ULK4: variants seen among roughly 807,000 people sequenced by gnomAD.
ULK4 encodes the protein unc-51 like kinase 4, also known as inactive serine/threonine-protein kinase ULK4.
A neutral mutation model predicts 160.6 loss-of-function variants in ULK4; 133 were observed. The observed-to-expected ratio is 0.83, with a 90% CI of 0.72 to 0.96. The LOEUF (loss-of-function observed/expected upper bound fraction) is 0.96. ULK4 is among the 40% of genes least tolerant of loss of function. The pLI is 0.00. For missense variants in ULK4, 1,580 were observed against 1,499.5 expected (o/e 1.05, Z -0.89); for synonymous variants, 534 against 539.8 (o/e 0.99, Z 0.15).
At chr3:41,858,826 T>A (rs997858289) in intron 17 of ULK4, among the ~76,000 whole-genome samples, 1 of 150,322 alleles carries the variant, frequency 6.7e-6, no homozygotes, top group Admixed American at 6.6e-5. Flanking sequence ...TTCCCCCCCA[T>A]AGAAAGCAGA....
chr3:41,582,037 C>T (rs1323436027), intron 31 of ULK4, among the ~76,000 whole-genome samples: 2 of 152,104 alleles, frequency 1.3e-5, no homozygotes, highest in African/African-American at 4.8e-5. Context: ...GTGTCCCCAC[C>T]CAAATCTCAT....
At chr3:41,912,227 C>G (rs1473162471) in intron 9 of ULK4, among the ~76,000 whole-genome samples, 1 of 150,638 alleles carries the variant, frequency 6.6e-6, no homozygotes, top group Non-Finnish European at 1.5e-5. Context: ...ACCCAGGAAT[C>G]TGAGGTAGGA....
intron 35 of ULK4, among the ~76,000 whole-genome samples, chr3:41,361,308 A>AG (rs1361668484): frequency 6.6e-6 from 1 of 152,256 alleles, no homozygotes; most frequent in African/African-American, 2.4e-5. Flanking sequence ...GATTTTAAAT[A>AG]GGAAATGGCA....
chr3:41,305,905 G>A (rs1396680291), intron 35 of ULK4, among the ~76,000 whole-genome samples: 7 of 147,518 alleles, frequency 4.7e-5, no homozygotes, highest in Non-Finnish European at 7.5e-5. Flanking sequence ...ACCTCTGCCC[G>A]GCTGCGACCC....
chr3:41,500,432 A>C (rs1053055842), intron 32 of ULK4, among the ~76,000 whole-genome samples: 3 of 149,858 alleles, frequency 2.0e-5, no homozygotes, highest in African/African-American at 7.3e-5. Flanking sequence ...GTTCTTATTA[A>C]GTTAGGTTTT....
intron 31 of ULK4, among the ~76,000 whole-genome samples, chr3:41,595,815 A>T (rs1220051888): frequency 1.3e-5 from 2 of 152,226 alleles, no homozygotes; most frequent in Non-Finnish European, 2.9e-5. Flanking sequence ...AAACCAAAAA[A>T]CCTACTAAGT....
At chr3:41,842,610 T>C (rs2041962205) in intron 17 of ULK4, among the ~76,000 whole-genome samples, 1 of 150,350 alleles carries the variant, frequency 6.7e-6, no homozygotes. Context: ...CTCTCTTTCC[T>C]TCTCTCCGAC....
chr3:41,647,620 A>C (rs1268216165), intron 30 of ULK4, among the ~76,000 whole-genome samples: 1 of 152,166 alleles, frequency 6.6e-6, no homozygotes, highest in Non-Finnish European at 1.5e-5. Flanking sequence ...GGTGCCTCCC[A>C]GTTAGGCTGC....
chr3:41,798,411 G>T (rs1381118590), intron 20 of ULK4, among the ~76,000 whole-genome samples: 1 of 152,092 alleles, frequency 6.6e-6, no homozygotes, highest in Non-Finnish European at 1.5e-5. Flanking sequence ...GTGGGTTTTT[G>T]TAATTTTGAA....
chr3:41,751,141 C>G (rs534128607), intron 22 of ULK4, among the ~76,000 whole-genome samples: 2 of 151,220 alleles, frequency 1.3e-5, no homozygotes, highest in Non-Finnish European at 3.0e-5. Context: ...GACTTCTTAA[C>G]CTACTCAGTA....
At chr3:41,299,747 T>C (rs188747603) in intron 35 of ULK4, among the ~76,000 whole-genome samples, 4 of 152,352 alleles carry the variant, frequency 2.6e-5, no homozygotes, top group Admixed American at 2.0e-4. Context: ...CTAACCATCA[T>C]AGCTTACATA....
chr3:41,643,108 T>G (rs1254592603), intron 30 of ULK4, among the ~76,000 whole-genome samples: 2 of 152,144 alleles, frequency 1.3e-5, no homozygotes, highest in Non-Finnish European at 2.9e-5. Context: ...GTCAGATGAG[T>G]AGGTTGTGAA....
intron 32 of ULK4, among the ~76,000 whole-genome samples, chr3:41,549,966 A>G (rs2087002665): frequency 6.6e-6 from 1 of 152,098 alleles, no homozygotes; most frequent in Non-Finnish European, 1.5e-5. Flanking sequence ...TAGCAAACCT[A>G]TCCTTCAAAA....
intron 21 of ULK4, among the ~76,000 whole-genome samples, chr3:41,781,242 C>T (rs1041444635): frequency 2.6e-5 from 4 of 151,476 alleles, no homozygotes; most frequent in African/African-American, 9.7e-5. Flanking sequence ...GCGGTGAAAC[C>T]CTGTCTCTAC....
At chr3:41,674,411 A>G (rs1035170061) in intron 29 of ULK4, among the ~76,000 whole-genome samples, 2 of 152,164 alleles carry the variant, frequency 1.3e-5, no homozygotes, top group Non-Finnish European at 2.9e-5. Context: ...TTCTGCATAA[A>G]CCTTTAAAAT....
intron 32 of ULK4, among the ~76,000 whole-genome samples, chr3:41,551,266 A>G (rs1037484662): frequency 9.9e-5 from 15 of 152,062 alleles, no homozygotes; most frequent in Admixed American, 3.9e-4. Flanking sequence ...AGTAGCAGGA[A>G]ATAATAAAGA....
chr3:41,818,413 T>C (rs145354623), intron 19 of ULK4, among the ~76,000 whole-genome samples: 5 of 152,364 alleles, frequency 3.3e-5, no homozygotes, highest in Admixed American at 2.0e-4. Flanking sequence ...TGTGTGTGAA[T>C]AGGAATTTTT....
In ULK4 at chr3:41,395,191, C is replaced by CAAAA. The variant is rs11365283; in HGVS notation, c.3678+2884_3678+2887dup. 1.8e-3 allele frequency among the ~76,000 whole-genome samples: 188 copies of CAAAA among 106,340 alleles called. 1 individual carries two copies. The highest frequency in any genetic ancestry group is 0.015 in the East Asian group (59 of 3,842). The allele number at this position is 106,340 out of a possible 152,430, so 69.8% of individuals were successfully genotyped here. A position where few individuals can be genotyped will look rare whatever the true frequency, so the allele number is the denominator to read the frequency against. Reference sequence around the variant, plus strand: ...TATCACATTATGATTGAAAGCACTCCAAAAAAAAAAAAAAAAAAGATGGAG... The same window carrying CAAAA: ...TATCACATTATGATTGAAAGCACTCCAAAAAAAAAAAAAAAAAAAAAAGATGGAG... On this transcript the variant is annotated intron_variant, in intron 35 of 36. Coordinates refer to ENST00000301831, the MANE Select transcript of ULK4 (RefSeq NM_017886.4).
intron 19 of ULK4, among the ~76,000 whole-genome samples, chr3:41,801,982 G>GACAATAAAGCAATATATTT (rs2040474926): frequency 6.8e-6 from 1 of 147,982 alleles, no homozygotes; most frequent in Non-Finnish European, 1.5e-5. Flanking sequence ...ACATACAAAA[G>GACAATAAAGCAATATATTT]ACAATAAAGC....
Sources: gnomAD v4.1 joint callset for allele counts (sites outside exome capture counted in the v4.1 genomes callset) on GRCh38, gnomAD v4.1.1 for gene constraint, MANE v1.5 for transcripts, NCBI Gene and HGNC (gene_info 2026-07-23, HGNC 2026-07-21) for gene names.